Variants in PUM2 observed in about 807,000 individuals in gnomAD.
PUM2 encodes pumilio homolog 2.
Under a neutral mutation model 124.5 loss-of-function variants are expected in PUM2, and 57 were observed. The ratio of observed to expected loss-of-function variants is 0.46; its 90% confidence interval spans 0.37 to 0.57. PUM2 has a LOEUF of 0.57. PUM2 is among the 20% of genes least tolerant of loss of function. The pLI is 0.00. For synonymous variants in PUM2, 460 were observed against 446.1 expected (o/e 1.03, Z -0.39); for missense variants, 1,065 against 1,290.6 (o/e 0.83, Z 2.68).
At chr2:20,263,674 A>G (rs1666848002) in intron 13 of PUM2, among the ~76,000 whole-genome samples, 1 of 152,216 alleles carries the variant, frequency 6.6e-6, no homozygotes, top group Non-Finnish European at 1.5e-5. Context: ...CATGAGAAAA[A>G]TAAGTGTGTA....
At chr2:20,319,275 C>G (rs1681736552) in intron 2 of PUM2, among the ~76,000 whole-genome samples, 1 of 152,182 alleles carries the variant, frequency 6.6e-6, no homozygotes, top group Non-Finnish European at 1.5e-5. Flanking sequence ...TCAAAATGAA[C>G]ATTTTGGACA....
At position 20,311,666 on chromosome 2, in the gene PUM2, G is replaced by A. The variant is rs775772098; in HGVS notation, c.349-3C>T. ...TCTGTTTCAGCATCTCTAGTGCCCT[G>A]AGGAAAAAGAATCTGTTTGATTCTG... On this transcript the variant is annotated splice_polypyrimidine_tract_variant and splice_region_variant and intron_variant, in intron 4 of 20. Coordinates refer to ENST00000361078, the MANE Select transcript of PUM2 (RefSeq NM_015317.5). The A allele has an allele frequency of 2.5e-6, 4 of 1,604,692 alleles. No individual in the cohort carries two copies. In the African/African-American group the frequency reaches 4.0e-5, roughly 16 times the overall value.
In PUM2 at chr2:20,327,392, A is replaced by G; in HGVS notation, c.-18-14T>C. Reference sequence around the variant, plus strand: ...CACAGATCAAACCTGTTGAATAACAAAAACAAAAATTAGTACAAAGAAATG... The same window carrying G: ...CACAGATCAAACCTGTTGAATAACAGAAACAAAAATTAGTACAAAGAAATG... On this transcript the variant is annotated splice_polypyrimidine_tract_variant and intron_variant, in intron 1 of 20. Transcript: ENST00000361078. 1.3e-6 allele frequency: 2 copies of G among 1,505,426 alleles called. No individual in the cohort carries two copies. Among genetic ancestry groups the G allele is most frequent in the African/African-American group, 1.4e-5 (1 of 71,604 alleles). The allele number at this position is 1,505,426 out of a possible 1,614,324, so 93.3% of individuals were successfully genotyped here.
At chr2:20,326,186 G>A in intron 2 of PUM2, 1 of 1,161,558 alleles carries the variant, frequency 8.6e-7, no homozygotes, top group Non-Finnish European at 1.1e-6. Flanking sequence ...TTTTCTTAGG[G>A]TTGAGAATTT....
intron 13 of PUM2, among the ~76,000 whole-genome samples, chr2:20,270,714 G>C (rs1412141963): frequency 1.3e-5 from 2 of 152,032 alleles, no homozygotes; most frequent in Non-Finnish European, 2.9e-5. Context: ...AGGATACCAA[G>C]TAATTTTTAA....
At chr2:20,286,455 A>G (rs1343473656) in intron 10 of PUM2, among the ~76,000 whole-genome samples, 1 of 152,210 alleles carries the variant, frequency 6.6e-6, no homozygotes, top group Non-Finnish European at 1.5e-5. Context: ...TATCTAGTCA[A>G]CATTTTCTAA....
intron 10 of PUM2, among the ~76,000 whole-genome samples, chr2:20,284,400 G>C (rs1003362761): frequency 6.6e-6 from 1 of 152,108 alleles, no homozygotes; most frequent in Non-Finnish European, 1.5e-5. Context: ...CTGTTGTCTA[G>C]GCTGGAGCAC....
intron 9 of PUM2, among the ~76,000 whole-genome samples, chr2:20,291,900 G>A (rs966940535): frequency 4.6e-5 from 7 of 152,044 alleles, no homozygotes; most frequent in African/African-American, 1.7e-4. Context: ...CTTTAGGAAT[G>A]AATTTTCCAT....
intron 10 of PUM2, among the ~76,000 whole-genome samples, chr2:20,284,531 T>C (rs1159878091): frequency 6.6e-6 from 1 of 152,090 alleles, no homozygotes; most frequent in Non-Finnish European, 1.5e-5. Context: ...AATTTATTTT[T>C]ATTTTCTACA....
intron 7 of PUM2, among the ~76,000 whole-genome samples, chr2:20,302,192 G>T (rs541506265): frequency 6.6e-6 from 1 of 152,116 alleles, no homozygotes; most frequent in African/African-American, 2.4e-5. Flanking sequence ...AATAAAGGCA[G>T]GTGCCAACAC....
At chr2:20,323,445 C>A (rs918859512) in intron 2 of PUM2, among the ~76,000 whole-genome samples, 4 of 113,354 alleles carry the variant, frequency 3.5e-5, no homozygotes, top group Admixed American at 9.6e-5. Context: ...GAGACTCCAT[C>A]TCAAAAAAAA....
At chr2:20,339,135 AT>A (rs1260646695) in intron 1 of PUM2, among the ~76,000 whole-genome samples, 2 of 152,194 alleles carry the variant, frequency 1.3e-5, no homozygotes, top group African/African-American at 2.4e-5. Context: ...TTCAAAAAAA[AT>A]GTTTACTACA....
intron 10 of PUM2, among the ~76,000 whole-genome samples, chr2:20,285,663 G>A (rs906834467): frequency 6.6e-6 from 1 of 152,024 alleles, no homozygotes; most frequent in African/African-American, 2.4e-5. Context: ...TTTATCAAGT[G>A]GCTACCACAT....
chr2:20,297,546 A>G lies in PUM2; in HGVS notation c.1009+7T>C. The G allele has an allele frequency of 1.9e-6, 3 of 1,592,000 alleles. No individual in the cohort carries two copies. In the South Asian group the frequency reaches 3.4e-5, roughly 18 times the overall value. The stretch of plus-strand genomic sequence containing the variant: ...ACCATAATAAAGATGAACAAATAGT[A>G]TGTTACCTGCTAATGTAGCTGCTGC... On this transcript the variant is annotated splice_region_variant and intron_variant, in intron 8 of 20. Coordinates refer to ENST00000361078, the MANE Select transcript of PUM2 (RefSeq NM_015317.5).
intron 1 of PUM2, among the ~76,000 whole-genome samples, chr2:20,343,482 G>C (rs2149100929): frequency 6.6e-6 from 1 of 152,228 alleles, no homozygotes; most frequent in African/African-American, 2.4e-5. Flanking sequence ...AAATAAACTA[G>C]TAAGTTTAAA....
In PUM2 at chr2:20,310,050, T is replaced by A. The variant is rs1261439696; in HGVS notation, c.518+1444A>T. 2.0e-5 allele frequency among the ~76,000 whole-genome samples: 3 copies of A among 152,052 alleles called. No individual in the cohort carries two copies. The East Asian group carries it at 5.8e-4, about 29-fold the overall frequency. ...AATCAGCCAATTTTTCTTTAAAAAA[T>A]AAGTGTCCAATAGTTCTTTTACTCA... is the stretch of plus-strand genomic sequence containing the variant. On this transcript the variant is annotated intron_variant, in intron 5 of 20. Coordinates refer to ENST00000361078, the MANE Select transcript of PUM2 (RefSeq NM_015317.5).
Position 20,338,860 on chromosome 2 carries a change from G to A in PUM2, c.-18-11482C>T, listed in dbSNP as rs181147808. 9.9e-3 allele frequency among the ~76,000 whole-genome samples: 1,509 copies of A among 152,280 alleles called. 25 individuals carry two copies. The highest frequency in any genetic ancestry group is 0.033 in the African/African-American group (1,391 of 41,546). Reference sequence around the variant, plus strand: ...CATAAGTCACACTTAACCATTAATAGTGGTCGCACCTAGAAAAAGGATATG... The same window carrying A: ...CATAAGTCACACTTAACCATTAATAATGGTCGCACCTAGAAAAAGGATATG... On this transcript the variant is annotated intron_variant, in intron 1 of 20. Coordinates refer to ENST00000361078, the MANE Select transcript of PUM2 (RefSeq NM_015317.5).
At chr2:20,339,811 C>T (rs1306262596) in intron 1 of PUM2, among the ~76,000 whole-genome samples, 1 of 152,098 alleles carries the variant, frequency 6.6e-6, no homozygotes, top group African/African-American at 2.4e-5. Context: ...ACCTGAAAGG[C>T]GGAGGTTACA....
intron 1 of PUM2, among the ~76,000 whole-genome samples, chr2:20,333,895 A>C (rs1685446005): frequency 6.6e-6 from 1 of 152,078 alleles, no homozygotes; most frequent in East Asian, 1.9e-4. Context: ...CTCTTGTGAT[A>C]GTTTTTCTAA....
Sources: gnomAD v4.1 joint callset for allele counts (sites outside exome capture counted in the v4.1 genomes callset) on GRCh38, gnomAD v4.1.1 for gene constraint, MANE v1.5 for transcripts, NCBI Gene and HGNC (gene_info 2026-07-23, HGNC 2026-07-21) for gene names.